The following NADK variants were observed in gnomAD, a reference collection of about 807,000 sequenced individuals.
NADK encodes the protein NAD kinase.
In NADK, 22 loss-of-function variants were observed where a neutral mutation model predicts 49.8. That is an observed-to-expected ratio of 0.44 (90% CI 0.32 to 0.63). The LOEUF is 0.63. Among genes scored for constraint, NADK ranks in the 30% least tolerant of loss-of-function variants. NADK has a pLI of 0.06. For missense variants in NADK, 438 were observed against 609.4 expected, an observed-to-expected ratio of 0.72 and a Z score of 2.96; for synonymous variants, 268 against 253.7, an observed-to-expected ratio of 1.06 and a Z score of -0.54.
chr1:1,761,566 T>G, intron 3 of NADK: 1 of 187,134 alleles, frequency 5.3e-6, no homozygotes. Flanking sequence ...CACCCCAGAA[T>G]TCTCACTCAC....
chr1:1,770,519 A>G (rs963411842), intron 1 of NADK, among the ~76,000 whole-genome samples: 1 of 152,196 alleles, frequency 6.6e-6, no homozygotes, highest in African/African-American at 2.4e-5. Context: ...GCAATAGACA[A>G]CAGGAAATTG....
Position 1,754,385 on chromosome 1 carries a change from T to TG in NADK, c.844-3dup. 1 of 1,613,676 alleles carries TG rather than the reference T, an allele frequency of 6.2e-7. No individual in the cohort carries two copies. Among genetic ancestry groups the TG allele is most frequent in the Non-Finnish European group, 8.5e-7 (1 of 1,179,766 alleles). On this transcript the variant is annotated splice_region_variant and splice_polypyrimidine_tract_variant and intron_variant, in intron 8 of 11. Coordinates refer to ENST00000341426, the MANE Select transcript of NADK (RefSeq NM_023018.5). The surrounding 1 kb of genome is among the most constrained non-coding windows in gnomAD (Gnocchi z 4.3). Reference sequence around the variant, plus strand: ...GTCAATCACCACCTCATTCAGGACCTGGAGGGGCGACAGCATTGCACACTC... The same window carrying TG: ...GTCAATCACCACCTCATTCAGGACCTGGGAGGGGCGACAGCATTGCACACTC...
upstream of NADK, chr1:1,778,583 G>A (rs1208722434): frequency 1.3e-5 from 2 of 151,306 alleles, no homozygotes; most frequent in African/African-American, 4.8e-5. The surrounding 1 kb of genome is among the most constrained non-coding windows in gnomAD (Gnocchi z 4.9). Context: ...CGGCGGGCGT[G>A]GCGGGAAAGA....
intron 7 of NADK, 102 bp downstream of exon 7, chr1:1,755,272 G>A (rs987463182): frequency 1.2e-6 from 1 of 809,976 alleles, no homozygotes; most frequent in African/African-American, 1.7e-5. Context: ...ACCTTTAAAT[G>A]TTGCTCCATG....
chr1:1,753,566 C>T lies in NADK; in HGVS notation c.1184+1G>A. On this transcript the variant is annotated splice_donor_variant, in intron 11 of 11. Coordinates refer to ENST00000341426, the MANE Select transcript of NADK (RefSeq NM_023018.5). LOFTEE classifies it high-confidence loss of function. ...CGCCCAGCCCGGCATGCAGCCCACA[C>T]CTGTCTCCATGGCGGATCTCTTGTC... is the stretch of plus-strand genomic sequence containing the variant. 6.2e-7 allele frequency: 1 copy of T among 1,611,528 alleles called. No homozygotes were observed.
At position 1,756,556 on chromosome 1, in the gene NADK, G is replaced by A; in HGVS notation, c.446C>T (p.Ala149Val). Residue 149 changes from alanine to valine, a missense_variant, in exon 5 of 12, where the codon GCC (alanine) becomes GTC (valine). By Grantham distance (64) the Ala-to-Val change is moderately conservative (BLOSUM62 0). Coordinates refer to ENST00000341426, the MANE Select transcript of NADK (RefSeq NM_023018.5). ...CACTGCCCCAAAGCTTTCATCGCTG[G>A]CGATGGCAGGGTCTTCTAGCACTTT... ...EKKVLEDPAIASDESFGAVKK... is the reference protein window; with the variant it reads ...EKKVLEDPAIVSDESFGAVKK... 6.2e-7 allele frequency: 1 copy of A among 1,614,088 alleles called. No homozygotes were observed. Among genetic ancestry groups the A allele is most frequent in the Non-Finnish European group, 8.5e-7 (1 of 1,180,042 alleles).
At chr1:1,756,807 T>C in intron 4 of NADK, 199 bp from the exon 5 acceptor site, 2 of 975,540 alleles carry the variant, frequency 2.1e-6, no homozygotes, top group Non-Finnish European at 3.3e-6. Flanking sequence ...CGGAGGGGGC[T>C]CCCTCTCAGG....
rs1645347807 is a variant in NADK, at chr1:1,752,219, A to G, written c.*685T>C. On this transcript the variant is annotated 3_prime_UTR_variant, in exon 12 of 12. Transcript: ENST00000341426. ...GTTTAAAAGAGTCTCTAAAAAGTAT[A>G]TACAGGATTTAAACTACCTTCCTGG... The G allele has an allele frequency of 6.5e-6, 1 of 152,692 alleles. No homozygotes were observed. The allele number at this position is 152,692 out of a possible 1,614,324, so 9.5% of individuals were successfully genotyped here.
In NADK at chr1:1,752,743, C is replaced by A. The variant is rs1645364379; in HGVS notation, c.*161G>T. 7.6e-6 allele frequency: 6 copies of A among 792,340 alleles called. No homozygotes were observed. The highest frequency in any genetic ancestry group is 2.7e-5 in the East Asian group (1 of 37,080). 49.1% of individuals were successfully genotyped at this position (792,340 alleles called of 1,614,324 possible). A position where few individuals can be genotyped will look rare whatever the true frequency, so the allele number is the denominator to read the frequency against. ...AAAAAAGTCAGACATTTTAAAAAAA[C>A]AGCTGATCTGGACAAAAGGCAGACC... On this transcript the variant is annotated 3_prime_UTR_variant, in exon 12 of 12. Transcript: ENST00000341426.
intron 1 of NADK, among the ~76,000 whole-genome samples, chr1:1,769,361 A>T (rs1453183049): frequency 6.6e-6 from 1 of 152,246 alleles, no homozygotes; most frequent in African/African-American, 2.4e-5. Context: ...AGCCTGGCCA[A>T]CATGGCGAAA....
chr1:1,775,879 T>A lies in NADK; in HGVS notation c.-41+2410A>T, dbSNP rs959591017. Among the ~76,000 whole-genome samples, 3 of 151,968 alleles carry A rather than the reference T, an allele frequency of 2.0e-5. No individual in the cohort carries two copies. The East Asian group carries it at 5.8e-4, about 29-fold the overall frequency. On this transcript the variant is annotated intron_variant, in intron 1 of 11. Transcript: ENST00000341426. ...AATGATAAGCCACCAGCACAGAGAG[T>A]AGAAATGAAATCCTGGGGTTACAAG...
At chr1:1,764,012 T>C (rs1443107403) in intron 2 of NADK, among the ~76,000 whole-genome samples, 3 of 152,180 alleles carry the variant, frequency 2.0e-5, no homozygotes, top group African/African-American at 7.2e-5. Context: ...CAACGAGGCA[T>C]CTGAGAAAGG....
Position 1,761,978 on chromosome 1 carries a change from A to C in NADK, c.237T>G (p.Cys79Trp). 6.2e-7 allele frequency: 1 copy of C among 1,614,068 alleles called. No individual in the cohort carries two copies. The highest frequency in any genetic ancestry group is 8.5e-7 in the Non-Finnish European group (1 of 1,179,990). ...CPVTTFGPKA[C>W]VLQNPQTIMH... The stretch of plus-strand genomic sequence containing the variant: ...TGATGGTCTGGGGGTTCTGCAGCAC[A>C]CAGGCCTTTGGTCCAAAAGTGGTCA... Residue 79 changes from cysteine to tryptophan, a missense_variant, in exon 3 of 12, where the codon TGT becomes TGG. Physicochemically the swap from Cys to Trp is radical, Grantham distance 215. Coordinates refer to ENST00000341426, the MANE Select transcript of NADK (RefSeq NM_023018.5).
At chr1:1,769,794 C>T (rs1400976050) in intron 1 of NADK, among the ~76,000 whole-genome samples, 2 of 151,476 alleles carry the variant, frequency 1.3e-5, no homozygotes, top group Non-Finnish European at 2.9e-5. Context: ...ATGAAAAATT[C>T]GGCCAGACAC....
intron 1 of NADK, among the ~76,000 whole-genome samples, chr1:1,766,061 G>T (rs1442956244): frequency 2.0e-5 from 3 of 151,834 alleles, no homozygotes; most frequent in African/African-American, 7.3e-5. Flanking sequence ...TGAGGCCAGG[G>T]GTTCAAGACC....
chr1:1,778,742 T>C (rs2100405699), upstream of NADK: 1 of 151,146 alleles, frequency 6.6e-6, no homozygotes, highest in East Asian at 2.0e-4. This position sits in a 1 kb window ranked among gnomAD's most constrained non-coding sequence, Gnocchi z 4.9. Context: ...CCGTCCCCAC[T>C]CACCTGCCGC....
chr1:1,757,497 G>A (rs965454184), intron 3 of NADK, among the ~76,000 whole-genome samples, 187 bp from the exon 4 acceptor site: 2 of 151,768 alleles, frequency 1.3e-5, no homozygotes, highest in African/African-American at 4.8e-5. Context: ...GGGTCAGTAG[G>A]GTCCGGAGTG....
chr1:1,767,633 G>T (rs976866022), intron 1 of NADK, among the ~76,000 whole-genome samples: 4 of 152,148 alleles, frequency 2.6e-5, no homozygotes, highest in African/African-American at 9.7e-5. Context: ...GCATTAAAAA[G>T]GATAAATGTG....
chr1:1,774,220 C>T (rs1646142115), intron 1 of NADK, among the ~76,000 whole-genome samples: 1 of 151,400 alleles, frequency 6.6e-6, no homozygotes, highest in Non-Finnish European at 1.5e-5. Context: ...ATCTCCAATA[C>T]CACAACCAGT....
Sources: gnomAD v4.1 joint callset for allele counts (sites outside exome capture counted in the v4.1 genomes callset) on GRCh38, gnomAD v4.1.1 for gene constraint, Gnocchi (gnomAD v3.1) non-coding constraint, MANE v1.5 for transcripts, NCBI Gene and HGNC (gene_info 2026-07-23, HGNC 2026-07-21) for gene names.